The following SP3 variants were observed in gnomAD, a reference collection of about 807,000 sequenced individuals.
The protein encoded by SP3 is transcription factor Sp3.
Under a neutral mutation model 70.3 loss-of-function variants are expected in SP3, and 10 were observed. The observed-to-expected ratio is 0.14, with a 90% CI of 0.09 to 0.24. The LOEUF is 0.24. SP3 is among the 10% of genes least tolerant of loss of function. SP3 has a pLI of 1.00. For synonymous variants in SP3, 402 were observed against 333.5 expected (o/e 1.21, Z -2.24); for missense variants, 825 against 914.6 (o/e 0.90, Z 1.26).
chr2:173,958,820 A>G (rs887434644), intron 3 of SP3, among the ~76,000 whole-genome samples: 3 of 151,922 alleles, frequency 2.0e-5, no homozygotes, highest in Admixed American at 6.6e-5. Context: ...TTCTGGCTAC[A>G]CTGTGGAATT....
At position 173,905,636 on chromosome 2, in the gene SP3, T is replaced by A. The variant is rs1160467693; in HGVS notation, c.*4305A>T. 6.6e-6 allele frequency among the ~76,000 whole-genome samples: 1 copy of A among 151,912 alleles called. No individual in the cohort carries two copies. Among genetic ancestry groups the A allele is most frequent in the Admixed American group, 6.6e-5 (1 of 15,262 alleles). On this transcript the variant is annotated 3_prime_UTR_variant, in exon 7 of 7. Transcript: ENST00000310015. ...GACACCTTTTTAAAAAATATATTCATATCATGAAGACTTTATAACATCAAA... is the reference window on the plus strand; with the variant it reads ...GACACCTTTTTAAAAAATATATTCAAATCATGAAGACTTTATAACATCAAA...
At chr2:173,916,938 T>C (rs902306513) in intron 5 of SP3, 1 of 152,080 alleles carries the variant, frequency 6.6e-6, no homozygotes, top group Non-Finnish European at 1.5e-5. Flanking sequence ...CTTGAAAATA[T>C]GGTCACAAAA....
At position 173,965,185 on chromosome 2, in the gene SP3, C is replaced by A; in HGVS notation, c.-14G>T. The A allele has an allele frequency of 6.5e-7, 1 of 1,547,172 alleles. No homozygotes were observed. ...CGTACCGGTCATAGTGTGTTTAGGG[C>A]ACCTCAGGCGGGGCTCCCCGCCGCC... is the stretch of plus-strand genomic sequence containing the variant. On this transcript the variant is annotated 5_prime_UTR_variant, in exon 1 of 7. Coordinates refer to ENST00000310015, the MANE Select transcript of SP3 (RefSeq NM_003111.5).
Position 173,908,486 on chromosome 2 carries a change from C to G in SP3, c.*1455G>C, listed in dbSNP as rs1431096049. On this transcript the variant is annotated 3_prime_UTR_variant, in exon 7 of 7. Coordinates refer to ENST00000310015, the MANE Select transcript of SP3 (RefSeq NM_003111.5). ...AGAAAAATAAACCACCAATTCTTAC[C>G]CCATACCACTGCAATATTTTTTATG... 6.6e-6 allele frequency: 1 copy of G among 152,260 alleles called. No homozygotes were observed. The highest frequency in any genetic ancestry group is 2.4e-5 in the African/African-American group (1 of 41,364). The allele number at this position is 152,260 out of a possible 1,614,324, so 9.4% of individuals were successfully genotyped here. A position where few individuals can be genotyped will look rare whatever the true frequency, so the allele number is the denominator to read the frequency against.
intron 3 of SP3, 48 bp from the exon 4 acceptor site, chr2:173,956,280 C>A: frequency 1.3e-6 from 2 of 1,515,768 alleles, no homozygotes; most frequent in South Asian, 2.7e-5. Context: ...ATATTTAAAT[C>A]AACCCTCAAA....
intron 4 of SP3, among the ~76,000 whole-genome samples, chr2:173,942,207 T>G (rs974571236): frequency 6.6e-6 from 1 of 152,216 alleles, no homozygotes; most frequent in African/African-American, 2.4e-5. Context: ...GGGAGGAGGA[T>G]GAACACAAGT....
At chr2:173,939,591 C>T (rs553342505) in intron 4 of SP3, among the ~76,000 whole-genome samples, 1 of 151,940 alleles carries the variant, frequency 6.6e-6, no homozygotes, top group Admixed American at 6.6e-5. Context: ...TGGTGAAACA[C>T]TGTCTCTACT....
rs777475290 is a variant in SP3 at position 173,955,652 on chromosome 2, G to A, written c.860C>T (p.Thr287Ile). 3.7e-6 allele frequency: 6 copies of A among 1,614,206 alleles called. No individual in the cohort carries two copies. The South Asian group carries it at 4.4e-5, about 12-fold the overall frequency. ...ATGTCCGTCGGCATTAATGCCTGCA[G>A]TCATTGTCTGAGAACTGCCCGAGAG... is the stretch of plus-strand genomic sequence containing the variant. The part of the protein sequence containing the change: ...LGLSGSSQTM[T>I]AGINADGHLI... The change falls in exon 4 of 7, where the codon ACT (threonine) becomes ATT (isoleucine). Residue 287 changes from threonine to isoleucine, a missense_variant. Thr to Ile is a moderately conservative substitution (Grantham distance 89). This residue lies in a region of SP3 where 678 missense variants were observed against 651.6 expected (regional missense o/e 1.04). Transcript: ENST00000310015.
chr2:173,941,190 C>CA (rs1177814663), intron 4 of SP3, among the ~76,000 whole-genome samples: 3 of 150,324 alleles, frequency 2.0e-5, no homozygotes, highest in Non-Finnish European at 4.4e-5. Context: ...CCTTTTAAAT[C>CA]ATTCTACTCA....
At chr2:173,942,349 T>G (rs756086108) in intron 4 of SP3, among the ~76,000 whole-genome samples, 14 of 152,168 alleles carry the variant, frequency 9.2e-5, no homozygotes, top group Non-Finnish European at 1.5e-4. Context: ...GTGGATCACT[T>G]GAGGTCAGAA....
chr2:173,964,231 G>T, intron 2 of SP3, 174 bp downstream of exon 2: 2 of 480,356 alleles, frequency 4.2e-6, no homozygotes, highest in South Asian at 3.0e-5. Context: ...GGGGCGGCGC[G>T]GGCGGGGTCG....
At chr2:173,959,935 C>T (rs1260532560) in intron 3 of SP3, among the ~76,000 whole-genome samples, 3 of 152,118 alleles carry the variant, frequency 2.0e-5, no homozygotes, top group African/African-American at 7.2e-5. Context: ...CAAACAAAAC[C>T]TAGGCAGGTG....
At chr2:173,915,779 A>G (rs1306892309) in intron 5 of SP3, 1 of 152,124 alleles carries the variant, frequency 6.6e-6, no homozygotes, top group Admixed American at 6.5e-5. Context: ...TCACTAGGTT[A>G]TCTCTCACTA....
At chr2:173,912,939 G>C in intron 6 of SP3, 131 bp downstream of exon 6, 1 of 580,794 alleles carries the variant, frequency 1.7e-6, no homozygotes, top group Non-Finnish European at 2.7e-6. Context: ...GTTACTAAAG[G>C]TAAAAATTGG....
intron 3 of SP3, among the ~76,000 whole-genome samples, chr2:173,957,529 A>T (rs1251333418): frequency 6.6e-6 from 1 of 152,170 alleles, no homozygotes; most frequent in African/African-American, 2.4e-5. Flanking sequence ...AATAATATGC[A>T]GTTTGGAGTT....
rs1365718507 is a variant in SP3, at chr2:173,965,286, T to G, written c.-115A>C. 4.1e-5 allele frequency: 51 copies of G among 1,253,674 alleles called. No individual in the cohort carries two copies. The highest frequency in any genetic ancestry group is 5.5e-5 in the Non-Finnish European group (49 of 893,134). The allele number at this position is 1,253,674 out of a possible 1,614,324, so 77.7% of individuals were successfully genotyped here. On this transcript the variant is annotated 5_prime_UTR_variant, in exon 1 of 7. Transcript: ENST00000310015. ...GCGGCGGCGGACACGGCCGGAGCGG[T>G]CCGGGGATTTTTTTTTCCTATTTTG...
rs1689441902 is a variant in SP3, at chr2:173,910,276, A to G, written c.2030-19T>C. On this transcript the variant is annotated intron_variant, in intron 6 of 6. Transcript: ENST00000310015. ...TTCTCACCTGTTAAGAAAAAAATTA[A>G]GTTACTTGGTTTTAAAAATTCAACT... 2 of 1,608,632 alleles carry G rather than the reference A, an allele frequency of 1.2e-6. No homozygotes were observed. Among genetic ancestry groups the G allele is most frequent in the African/African-American group, 1.3e-5 (1 of 74,630 alleles).
intron 3 of SP3, among the ~76,000 whole-genome samples, chr2:173,961,022 A>G (rs1323091800): frequency 2.6e-5 from 4 of 152,198 alleles, no homozygotes; most frequent in African/African-American, 7.2e-5. Context: ...ATTCCACTAA[A>G]GTAAAAATGA....
chr2:173,963,922 G>A (rs758761737), intron 2 of SP3, 39 bp from the exon 3 acceptor site: 50 of 1,393,666 alleles, frequency 3.6e-5, no homozygotes, highest in Non-Finnish European at 4.2e-5. Context: ...GAGACAGGGG[G>A]AGGGGGTGGC....
Sources: allele counts gnomAD v4.1 joint callset (sites outside exome capture counted in the v4.1 genomes callset), GRCh38; gene constraint gnomAD v4.1.1; regional missense constraint gnomAD v4.1.1; transcripts MANE v1.5; gene names NCBI Gene and HGNC (gene_info 2026-07-23, HGNC 2026-07-21).